The following ANK3 variants were observed in gnomAD, a reference collection of about 807,000 sequenced individuals.
ANK3 encodes ankyrin-3.
A neutral mutation model predicts 370.9 loss-of-function variants in ANK3; 57 were observed. The observed-to-expected ratio is 0.15, with a 90% CI of 0.12 to 0.19. ANK3 has a LOEUF of 0.19. Ranked by LOEUF, ANK3 falls within the 10% of genes least tolerant of loss-of-function variation. The pLI is 1.00. For missense variants in ANK3, 4,439 were observed against 5,302.1 expected (o/e 0.84, Z 5.06); for synonymous variants, 1,929 against 1,946.3 (o/e 0.99, Z 0.23).
In ANK3 at chr10:60,069,186, T is replaced by C; in HGVS notation, c.11695A>G (p.Lys3899Glu). The part of the protein sequence containing the change: ...MKQVSQSEKT[K>E]ALTTSSCVDV... ...ACACATGAAGAAGTAGTAAGGGCTT[T>C]GGTTTTCTCGGATTGACTAACCTGC... is the stretch of plus-strand genomic sequence containing the variant. The change falls in exon 37 of 44, where the codon AAA (lysine) becomes GAA (glutamate). Residue 3899 changes from lysine to glutamate, a missense_variant. Lys to Glu is a moderately conservative substitution (Grantham distance 56). This residue lies in a region of ANK3 where 496 missense variants were observed against 529.3 expected (regional missense o/e 0.94). Transcript: ENST00000280772. 1 of 1,614,186 alleles carries C rather than the reference T, an allele frequency of 6.2e-7. No individual in the cohort carries two copies. The highest frequency in any genetic ancestry group is 8.5e-7 in the Non-Finnish European group (1 of 1,180,016).
intron 42 of ANK3, chr10:60,051,520 C>T (rs905312044): frequency 5.1e-6 from 5 of 985,660 alleles, no homozygotes; most frequent in East Asian, 1.1e-4. Flanking sequence ...TGACTCTCCG[C>T]TCTTCCTCTG....
intron 7 of ANK3, among the ~76,000 whole-genome samples, chr10:60,244,619 T>C (rs2097525738): frequency 6.6e-6 from 1 of 152,258 alleles, no homozygotes; most frequent in South Asian, 2.1e-4. Context: ...TTAAGATTTT[T>C]ATGTTTTCTC....
intron 2 of ANK3, among the ~76,000 whole-genome samples, chr10:60,394,964 C>T (rs1305933566): frequency 6.6e-6 from 1 of 151,984 alleles, no homozygotes; most frequent in Non-Finnish European, 1.5e-5. Flanking sequence ...CTGCACTGGC[C>T]AATACAGTAG....
intron 2 of ANK3, chr10:60,507,562 A>G (rs778371080): frequency 1.3e-5 from 2 of 152,084 alleles, no homozygotes; most frequent in African/African-American, 2.4e-5. Context: ...CTGTTTTCCA[A>G]TAATAAATGA....
chr10:60,100,499 C>T (rs1379047462), intron 28 of ANK3, among the ~76,000 whole-genome samples: 2 of 152,024 alleles, frequency 1.3e-5, no homozygotes, highest in African/African-American at 4.8e-5. Context: ...TTCTAAGATA[C>T]TGTTTATGTA....
At chr10:60,356,308 C>G (rs1306783375) in intron 1 of ANK3, among the ~76,000 whole-genome samples, 3 of 152,224 alleles carry the variant, frequency 2.0e-5, no homozygotes, top group Non-Finnish European at 4.4e-5. Flanking sequence ...GAGCTGAGAA[C>G]TGCCTCTGTG....
At chr10:60,041,034 C>T (rs910314363) in intron 43 of ANK3, among the ~76,000 whole-genome samples, 1 of 152,102 alleles carries the variant, frequency 6.6e-6, no homozygotes, top group African/African-American at 2.4e-5. Context: ...TGATGTCATC[C>T]TTCATTTTCT....
At chr10:60,644,938 A>T (rs934374454) in intron 1 of ANK3, among the ~76,000 whole-genome samples, 21 of 144,860 alleles carry the variant, frequency 1.4e-4, no homozygotes, top group African/African-American at 5.3e-4. Context: ...CTGATGTTCA[A>T]ATTTAAACAT....
chr10:60,257,772 C>T lies in ANK3; in HGVS notation c.798+4087G>A, dbSNP rs553277218. ...TGTATATTTTAATCTGTAAACCACC[C>T]GAAATCTTTTTGGAAACAAATGAGG... On this transcript the variant is annotated intron_variant, in intron 7 of 43. Coordinates refer to ENST00000280772, the MANE Select transcript of ANK3 (RefSeq NM_020987.5). Among the ~76,000 whole-genome samples the T allele has an allele frequency of 1.5e-4, 23 of 152,192 alleles. No individual in the cohort carries two copies. The East Asian group carries it at 3.9e-3, about 26-fold the overall frequency.
At chr10:60,230,498 T>C (rs903481630) in intron 8 of ANK3, among the ~76,000 whole-genome samples, 3 of 152,190 alleles carry the variant, frequency 2.0e-5, no homozygotes, top group Admixed American at 1.3e-4. Context: ...ATACTTACTA[T>C]CAACAGGAAC....
At chr10:60,175,615 CCGAGT>C (rs1307629131) in intron 18 of ANK3, among the ~76,000 whole-genome samples, 2 of 152,082 alleles carry the variant, frequency 1.3e-5, no homozygotes, top group Non-Finnish European at 2.9e-5. Context: ...CAAAATGCAT[CCGAGT>C]CTTTAACAGC....
chr10:60,397,719 C>T (rs961402415), intron 2 of ANK3, among the ~76,000 whole-genome samples: 2 of 152,180 alleles, frequency 1.3e-5, no homozygotes, highest in African/African-American at 4.8e-5. Context: ...ATATGTTCCA[C>T]AACTTTGCAA....
chr10:60,180,398 C>T (rs767938315), intron 18 of ANK3, among the ~76,000 whole-genome samples: 3 of 151,802 alleles, frequency 2.0e-5, no homozygotes, highest in Non-Finnish European at 4.4e-5. Flanking sequence ...GAGATCAAGA[C>T]CATCCTGGCT....
chr10:60,300,972 C>T (rs548434680), intron 1 of ANK3, among the ~76,000 whole-genome samples: 10 of 151,954 alleles, frequency 6.6e-5, no homozygotes, highest in African/African-American at 1.9e-4. Context: ...GCATACTTTA[C>T]TGCCGAGGAG....
rs988406497 is a variant in ANK3 at position 60,084,894 on chromosome 10, C to T, written c.3846-64G>A. On this transcript the variant is annotated intron_variant, in intron 31 of 43. Coordinates refer to ENST00000280772, the MANE Select transcript of ANK3 (RefSeq NM_020987.5). Reference sequence around the variant, plus strand: ...ATTTAAAAGCCAAATCTTAAAAAGACTCACAATTAAAAAAATCAGAATATG... The same window carrying T: ...ATTTAAAAGCCAAATCTTAAAAAGATTCACAATTAAAAAAATCAGAATATG... The T allele has an allele frequency of 1.1e-5, 13 of 1,232,102 alleles. No homozygotes were observed. In the African/African-American group the frequency reaches 2.0e-4, roughly 19 times the overall value. 76.3% of individuals were successfully genotyped at this position (1,232,102 alleles called of 1,614,324 possible). A position where few individuals can be genotyped will look rare whatever the true frequency, so the allele number is the denominator to read the frequency against.
chr10:60,446,202 A>G (rs2064441421), intron 2 of ANK3, among the ~76,000 whole-genome samples: 2 of 152,198 alleles, frequency 1.3e-5, no homozygotes, highest in Non-Finnish European at 2.9e-5. Flanking sequence ...TATTTTAAAG[A>G]GCAATTTTTC....
At chr10:60,045,442 A>G (rs1475185723) in intron 42 of ANK3, among the ~76,000 whole-genome samples, 1 of 152,202 alleles carries the variant, frequency 6.6e-6, no homozygotes, top group Non-Finnish European at 1.5e-5. Flanking sequence ...ATGATTGTAT[A>G]ACACGACAAA....
chr10:60,240,171 T>TACAC lies in ANK3; in HGVS notation c.799-5386_799-5385insGTGT, dbSNP rs2097421041. On this transcript the variant is annotated intron_variant, in intron 7 of 43. Coordinates refer to ENST00000280772, the MANE Select transcript of ANK3 (RefSeq NM_020987.5). The stretch of plus-strand genomic sequence containing the variant: ...ATATATATACATATATACACATATA[T>TACAC]ATACATATATACACATATATATACA... Among the ~76,000 whole-genome samples, 9 of 141,600 alleles carry TACAC rather than the reference T, an allele frequency of 6.4e-5. No homozygotes were observed. The South Asian group carries it at 2.0e-3, about 31-fold the overall frequency. The allele number at this position is 141,600 out of a possible 152,430, so 92.9% of individuals were successfully genotyped here.
At chr10:60,082,029 C>A in intron 35 of ANK3, 121 bp downstream of exon 35, 1 of 713,984 alleles carries the variant, frequency 1.4e-6, no homozygotes, top group Non-Finnish European at 2.3e-6. Flanking sequence ...CTTTTACCTA[C>A]TTAAGACCTG....
Sources: allele counts gnomAD v4.1 joint callset (sites outside exome capture counted in the v4.1 genomes callset), GRCh38; gene constraint gnomAD v4.1.1; regional missense constraint gnomAD v4.1.1; transcripts MANE v1.5; gene names NCBI Gene and HGNC (gene_info 2026-07-23, HGNC 2026-07-21).